Variants in ESR1 observed in about 807,000 individuals in gnomAD.
ESR1 encodes the protein estrogen receptor.
A neutral mutation model predicts 52.7 loss-of-function variants in ESR1; 12 were observed. The ratio of observed to expected loss-of-function variants is 0.23; its 90% confidence interval spans 0.15 to 0.37. The LOEUF (loss-of-function observed/expected upper bound fraction) is 0.37. Among genes scored for constraint, ESR1 ranks in the 10% least tolerant of loss-of-function variants. The probability of loss-of-function intolerance (pLI) is 1.00; values close to 1 mark genes in which losing one functional copy is unlikely to be tolerated. For missense variants in ESR1, 584 were observed against 779.7 expected (o/e 0.75, Z 2.99); for synonymous variants, 305 against 316.8 (o/e 0.96, Z 0.39).
At chr6:151,863,752 T>C (rs1789321713) in intron 2 of ESR1, among the ~76,000 whole-genome samples, 1 of 152,032 alleles carries the variant, frequency 6.6e-6, no homozygotes, top group Non-Finnish European at 1.5e-5. Flanking sequence ...TCAGAAATAA[T>C]ACCACACATC....
At chr6:151,959,530 G>A (rs957393579) in intron 4 of ESR1, among the ~76,000 whole-genome samples, 1 of 151,954 alleles carries the variant, frequency 6.6e-6, no homozygotes, top group African/African-American at 2.4e-5. Context: ...CCGTGCCAAC[G>A]CTGTGCAGTG....
chr6:151,799,537 G>A (rs1381324611), upstream of ESR1, among the ~76,000 whole-genome samples: 3 of 152,116 alleles, frequency 2.0e-5, no homozygotes, highest in African/African-American at 7.2e-5. Context: ...ATTTGTTGGG[G>A]GCCAACTACA....
At chr6:151,760,772 G>T (rs905831767) in intron 2 of ESR1, among the ~76,000 whole-genome samples, 1 of 152,244 alleles carries the variant, frequency 6.6e-6, no homozygotes, top group Non-Finnish European at 1.5e-5. Flanking sequence ...GTGAGAACTA[G>T]ATGGAGGCTA....
At chr6:152,119,640 A>G (rs746851723) in intron 6 of ESR1, among the ~76,000 whole-genome samples, 38 of 152,190 alleles carry the variant, frequency 2.5e-4, no homozygotes, top group Admixed American at 1.8e-3. Context: ...TCCAGGCCAC[A>G]GCAGGGCTCC....
At chr6:151,955,174 C>A (rs992145589) in intron 4 of ESR1, among the ~76,000 whole-genome samples, 1 of 151,966 alleles carries the variant, frequency 6.6e-6, no homozygotes, top group Non-Finnish European at 1.5e-5. Flanking sequence ...CAGTGATTGT[C>A]AAAATGGGTA....
intron 6 of ESR1, among the ~76,000 whole-genome samples, chr6:152,109,654 C>G (rs2051108267): frequency 6.6e-6 from 1 of 152,152 alleles, no homozygotes; most frequent in Non-Finnish European, 1.5e-5. Flanking sequence ...CCATTGCACT[C>G]CAGCCTGGGC....
chr6:152,046,426 AAATT>A (rs1393117220), intron 5 of ESR1, among the ~76,000 whole-genome samples: 2 of 152,208 alleles, frequency 1.3e-5, no homozygotes, highest in African/African-American at 4.8e-5. Flanking sequence ...CAAAAGAAAA[AAATT>A]AAAGTGCACT....
At position 152,070,916 on chromosome 6, in the gene ESR1, G is replaced by T. The variant is rs564191955; in HGVS notation, c.1369+9792G>T. 2.2e-5 allele frequency among the ~76,000 whole-genome samples: 3 copies of T among 139,138 alleles called. No homozygotes were observed. In the East Asian group the frequency reaches 6.9e-4, roughly 32 times the overall value. 91.3% of individuals were successfully genotyped at this position (139,138 alleles called of 152,430 possible). A position where few individuals can be genotyped will look rare whatever the true frequency, so the allele number is the denominator to read the frequency against. ...ATAAGAAAGACAGCAATATTCCATG[G>T]AACAGAGTGATGTCTGTGGCTTTGT... On this transcript the variant is annotated intron_variant, in intron 6 of 7. Coordinates refer to ENST00000206249, the MANE Select transcript of ESR1 (RefSeq NM_000125.4).
chr6:152,016,925 A>G (rs2043213417), intron 5 of ESR1, among the ~76,000 whole-genome samples: 1 of 152,138 alleles, frequency 6.6e-6, no homozygotes, highest in Non-Finnish European at 1.5e-5. Context: ...GGAGCCCTGC[A>G]ACCCATGGAT....
intron 2 of ESR1, among the ~76,000 whole-genome samples, chr6:151,793,181 A>G (rs987248499): frequency 6.6e-6 from 1 of 152,042 alleles, no homozygotes; most frequent in African/African-American, 2.4e-5. Flanking sequence ...AAAAAAAAAA[A>G]AAAAAGTTTT....
rs546500548 is a variant in ESR1 at position 151,850,394 on chromosome 6, A to G, written c.643+7607A>G. 1.0e-3 allele frequency among the ~76,000 whole-genome samples: 155 copies of G among 150,994 alleles called. 1 individual carries two copies. Among genetic ancestry groups the G allele is most frequent in the African/African-American group, 3.6e-3 (148 of 41,152 alleles). On this transcript the variant is annotated intron_variant, in intron 2 of 7. Transcript: ENST00000206249. The stretch of plus-strand genomic sequence containing the variant: ...ATGTCATATGATAACAGAGAGAGAG[A>G]GAGAGAAGAGAGAGAGGGAGGAGAG...
At chr6:151,764,858 T>A (rs552213731) in intron 2 of ESR1, among the ~76,000 whole-genome samples, 18 of 152,230 alleles carry the variant, frequency 1.2e-4, no homozygotes, top group Admixed American at 7.2e-4. Flanking sequence ...CTTCATGTGA[T>A]TCTGTAAGCA....
chr6:151,846,837 T>G (rs528106270), intron 2 of ESR1, among the ~76,000 whole-genome samples: 4 of 152,298 alleles, frequency 2.6e-5, no homozygotes, highest in African/African-American at 9.6e-5. Context: ...TTCCTTAAGA[T>G]GTGTTTTAGA....
chr6:151,760,642 C>A (rs975109778), intron 2 of ESR1, among the ~76,000 whole-genome samples: 1 of 152,172 alleles, frequency 6.6e-6, no homozygotes, highest in African/African-American at 2.4e-5. Flanking sequence ...TCCCTTAATG[C>A]TCTCTGGTAA....
At chr6:151,685,899 A>G (rs1161716150), upstream of ESR1, among the ~76,000 whole-genome samples, 1 of 152,094 alleles carries the variant, frequency 6.6e-6, no homozygotes, top group Non-Finnish European at 1.5e-5. Context: ...TGAAATGTAA[A>G]GTTCAATTGC....
chr6:152,083,158 A>G (rs1005862437), intron 6 of ESR1, among the ~76,000 whole-genome samples: 1 of 152,166 alleles, frequency 6.6e-6, no homozygotes, highest in South Asian at 2.1e-4. Context: ...CATAGCCAAG[A>G]CAATCCTAAG....
intron 2 of ESR1, among the ~76,000 whole-genome samples, chr6:151,854,135 G>A (rs1453850482): frequency 2.0e-5 from 3 of 152,130 alleles, no homozygotes; most frequent in Non-Finnish European, 4.4e-5. Context: ...GAGTATTTTA[G>A]ACGTAGGTTG....
chr6:151,908,035 A>C (rs1584136336), intron 3 of ESR1, among the ~76,000 whole-genome samples: 1 of 152,218 alleles, frequency 6.6e-6, no homozygotes, highest in Non-Finnish European at 1.5e-5. Context: ...ATGTAACAAA[A>C]GGTTAACAAT....
chr6:151,960,562 G>A (rs1489148614), intron 4 of ESR1, among the ~76,000 whole-genome samples: 1 of 152,212 alleles, frequency 6.6e-6, no homozygotes, highest in Non-Finnish European at 1.5e-5. Context: ...ACAGGAAGAA[G>A]ACCAATGTGA....
Sources: gnomAD v4.1 joint callset for allele counts (sites outside exome capture counted in the v4.1 genomes callset) on GRCh38, gnomAD v4.1.1 for gene constraint, MANE v1.5 for transcripts, NCBI Gene and HGNC (gene_info 2026-07-23, HGNC 2026-07-21) for gene names.